SPC24: variants seen among roughly 807,000 people sequenced by gnomAD.
The protein encoded by SPC24 is SPC24 component of NDC80 kinetochore complex.
In SPC24, 31 loss-of-function variants were observed where a neutral mutation model predicts 27.6. The ratio of observed to expected loss-of-function variants is 1.12; its 90% CI spans 0.84 to 1.52. The LOEUF is 1.52. Ranked by LOEUF, SPC24 falls within the 40% of genes most tolerant of loss-of-function variation. The pLI is 0.00. For missense variants in SPC24, 284 were observed against 252.5 expected, an observed-to-expected ratio of 1.12 and a Z score of -0.84; for synonymous variants, 105 against 105.8, an observed-to-expected ratio of 0.99 and a Z score of 0.05.
rs868577725 is a variant in SPC24 at position 11,155,635 on chromosome 19, C to A, written c.142G>T (p.Ala48Ser). 6.5e-7 allele frequency: 1 copy of A among 1,548,776 alleles called. No homozygotes were observed. The highest frequency in any genetic ancestry group is 1.9e-5 in the Admixed American group (1 of 52,362). ...CCCTCACCTCGCAGCTGCTTCTCGG[C>A]ACCGTCTTGCGTTTCCAGCAGCCGC... ...VERLLETQDG[A>S]EKQLREILTM... is the part of the protein sequence containing the mutation. Residue 48 changes from alanine to serine, a missense_variant, in exon 1 of 5, where the codon GCC (alanine) becomes TCC (serine). Ala to Ser is a moderately conservative substitution (Grantham distance 99). Transcript: ENST00000592540.
intron 1 of SPC24, among the ~76,000 whole-genome samples, chr19:11,154,764 GGAGT>G (rs2077898586): frequency 1.3e-5 from 2 of 152,134 alleles, no homozygotes; most frequent in African/African-American, 4.8e-5. Flanking sequence ...AAGGGGATGG[GGAGT>G]GAGTGTTTCA....
intron 1 of SPC24, among the ~76,000 whole-genome samples, chr19:11,151,162 C>CAAAAA (rs397859905): frequency 4.5e-5 from 4 of 88,774 alleles, no homozygotes; most frequent in Non-Finnish European, 6.3e-5. Flanking sequence ...GACTCCGTCT[C>CAAAAA]AAAAAAAAAA....
chr19:11,153,760 GA>G (rs59338135), intron 1 of SPC24, among the ~76,000 whole-genome samples: 28 of 132,160 alleles, frequency 2.1e-4, no homozygotes, highest in East Asian at 9.2e-4. Flanking sequence ...ACTGTCCTGG[GA>G]AAAAAAAAAA....
Position 11,148,030 on chromosome 19 carries a change from G to A in SPC24, c.393C>T (p.Val131=). The part of the protein sequence containing the change: ...QEKEVDEDTT[V]TIPSAVYVAQ... ...GAACCTACACGGCCGAGGGGATTGT[G>A]ACTGTCGTGTCCTCGTCGACCTCCT... Residue 131 remains valine, a synonymous_variant, in exon 3 of 5, where the codon GTC becomes GTT. Transcript: ENST00000592540. The A allele has an allele frequency of 6.2e-7, 1 of 1,613,682 alleles. No homozygotes were observed. The highest frequency in any genetic ancestry group is 8.5e-7 in the Non-Finnish European group (1 of 1,179,790).
rs969533244 is a variant in SPC24, at chr19:11,145,729, C to G, written c.*1454G>C. On this transcript the variant is annotated 3_prime_UTR_variant, in exon 5 of 5. Transcript: ENST00000592540. ...GCTGCCAGGGCTCCAGCCATCACAC[C>G]CACATTCCAGGAAATAGGAAGGGGG... 1.3e-5 allele frequency: 2 copies of G among 152,200 alleles called. No homozygotes were observed. The highest frequency in any genetic ancestry group is 4.8e-5 in the African/African-American group (2 of 41,444). The allele number at this position is 152,200 out of a possible 1,614,324, so 9.4% of individuals were successfully genotyped here.
chr19:11,152,331 T>C (rs544261173), intron 1 of SPC24, among the ~76,000 whole-genome samples: 4 of 152,122 alleles, frequency 2.6e-5, no homozygotes, highest in Non-Finnish European at 5.9e-5. Context: ...TGTCTCAGCC[T>C]CCCGAGTAGC....
At chr19:11,152,460 T>A (rs1376022493) in intron 1 of SPC24, among the ~76,000 whole-genome samples, 3 of 152,166 alleles carry the variant, frequency 2.0e-5, no homozygotes, top group African/African-American at 7.2e-5. Flanking sequence ...TTCACCCACC[T>A]CGGCCTCCCA....
In SPC24 at chr19:11,148,018, C is replaced by T. The variant is rs773521411; in HGVS notation, c.405G>A (p.Ser135=). 2.6e-5 allele frequency: 42 copies of T among 1,613,596 alleles called. No individual in the cohort carries two copies. Among genetic ancestry groups the T allele is most frequent in the Middle Eastern group, 1.6e-4 (1 of 6,062 alleles). Residue 135 remains serine, a synonymous_variant, in exon 3 of 5, where the codon TCG becomes TCA. Transcript: ENST00000592540. ...VDEDTTVTIP[S]AVYVAQLYHQ... is the part of the protein sequence containing the mutation. ...CACGTTTTGGCAGAACCTACACGGCCGAGGGGATTGTGACTGTCGTGTCCT... is the reference window on the plus strand; with the variant it reads ...CACGTTTTGGCAGAACCTACACGGCTGAGGGGATTGTGACTGTCGTGTCCT...
At position 11,155,703 on chromosome 19, in the gene SPC24, G is replaced by A. The variant is rs1041378681; in HGVS notation, c.74C>T (p.Ala25Val). 6.4e-7 allele frequency: 1 copy of A among 1,571,298 alleles called. No homozygotes were observed. The highest frequency in any genetic ancestry group is 1.1e-5 in the South Asian group (1 of 87,180). The change falls in exon 1 of 5, where the codon GCG becomes GTG. Residue 25 changes from alanine to valine, a missense_variant. Transcript: ENST00000592540. ...GCGCCCCAGCAGCCGTCGCTGCTGC[G>A]CCTCCGCGCGGTTGGCGCCCAGCAG... ...LSLLGANRAE[A>V]QQRRLLGRHE... is the part of the protein sequence containing the mutation.
chr19:11,148,015 G>A lies in SPC24; in HGVS notation c.408C>T (p.Ala136=), dbSNP rs139671596. ...GCACACGTTTTGGCAGAACCTACAC[G>A]GCCGAGGGGATTGTGACTGTCGTGT... ...DEDTTVTIPS[A]VYVAQLYHQV... is the part of the protein sequence containing the mutation. The change falls in exon 3 of 5, where the codon GCC becomes GCT. Residue 136 remains alanine (A), a splice_region_variant and synonymous_variant. Coordinates refer to ENST00000592540, the MANE Select transcript of SPC24 (RefSeq NM_182513.4). 5.4e-5 allele frequency: 87 copies of A among 1,613,314 alleles called. No individual in the cohort carries two copies. The highest frequency in any genetic ancestry group is 3.0e-4 in the South Asian group (27 of 91,004).
rs747127191 is a variant in SPC24 at position 11,146,767 on chromosome 19, CA to C, written c.*415del. 3.0e-3 allele frequency: 268 copies of C among 87,872 alleles called. No homozygotes were observed. Among genetic ancestry groups the C allele is most frequent in the Non-Finnish European group, 3.6e-3 (149 of 41,064 alleles). The allele number at this position is 87,872 out of a possible 1,614,324, so 5.4% of individuals were successfully genotyped here. A position where few individuals can be genotyped will look rare whatever the true frequency, so the allele number is the denominator to read the frequency against. On this transcript the variant is annotated 3_prime_UTR_variant, in exon 5 of 5. Transcript: ENST00000592540. ...TGGGCGACAGAGTGAGACTCCGTCT[CA>C]AAAAAAAAAAAAAAAGGAAGACGTC...
At chr19:11,149,068 G>T (rs111370680) in intron 2 of SPC24, 26 bp downstream of exon 2, 1 of 1,475,564 alleles carries the variant, frequency 6.8e-7, no homozygotes, top group Non-Finnish European at 9.0e-7. Context: ...TTCTAGCAAG[G>T]CTGATCCCCT....
At chr19:11,148,333 G>A (rs994387400) in intron 2 of SPC24, among the ~76,000 whole-genome samples, 2 of 151,844 alleles carry the variant, frequency 1.3e-5, no homozygotes, top group African/African-American at 2.4e-5. Flanking sequence ...CCTGCCTACC[G>A]AGTAGCTGGG....
intron 1 of SPC24, among the ~76,000 whole-genome samples, chr19:11,151,403 G>A (rs931987935): frequency 6.6e-6 from 1 of 152,012 alleles, no homozygotes; most frequent in Non-Finnish European, 1.5e-5. Flanking sequence ...TTTCTTGATC[G>A]GTCTGGTTCG....
intron 2 of SPC24, 102 bp from the exon 3 acceptor site, chr19:11,148,219 C>G: frequency 1.4e-6 from 1 of 728,204 alleles, no homozygotes; most frequent in South Asian, 1.7e-5. Flanking sequence ...CGCACACTCT[C>G]TTCTTTGAGT....
At chr19:11,154,402 G>A (rs901015159) in intron 1 of SPC24, among the ~76,000 whole-genome samples, 1 of 152,108 alleles carries the variant, frequency 6.6e-6, no homozygotes, top group Non-Finnish European at 1.5e-5. Flanking sequence ...AGCTGGGCAT[G>A]GTGGCGCATA....
Position 11,146,482 on chromosome 19 carries a change from A to AAAAAAAAAAAAAAC in SPC24, c.*700_*701insGTTTTTTTTTTTTT, listed in dbSNP as rs2077824484. ...AAATCCAGTAAAAAAAAAAAAAAAA[A>AAAAAAAAAAAAAAC]AGGCCAGGCGCGGTGACTCACACCT... On this transcript the variant is annotated 3_prime_UTR_variant, in exon 5 of 5. Coordinates refer to ENST00000592540, the MANE Select transcript of SPC24 (RefSeq NM_182513.4). 6.8e-6 allele frequency: 1 copy of AAAAAAAAAAAAAAC among 147,334 alleles called. No individual in the cohort carries two copies. Among genetic ancestry groups the AAAAAAAAAAAAAAC allele is most frequent in the Admixed American group, 6.9e-5 (1 of 14,548 alleles). 9.1% of individuals were successfully genotyped at this position (147,334 alleles called of 1,614,324 possible). A position where few individuals can be genotyped will look rare whatever the true frequency, so the allele number is the denominator to read the frequency against.
In SPC24 at chr19:11,155,579, C is replaced by T. The variant is rs908502716; in HGVS notation, c.160+38G>A. On this transcript the variant is annotated intron_variant, in intron 1 of 4. Transcript: ENST00000592540. ...TCGCCCCCTCCCAGCACCCGGGCCC[C>T]TTCCCCCGTGGGCCCGCGACCACGC... The T allele has an allele frequency of 2.6e-6, 4 of 1,525,214 alleles. No homozygotes were observed. The African/African-American group carries it at 5.6e-5, about 21-fold the overall frequency. The allele number at this position is 1,525,214 out of a possible 1,614,324, so 94.5% of individuals were successfully genotyped here.
chr19:11,147,087 A>AAAG lies in SPC24; in HGVS notation c.*95_*96insCTT. 1.4e-6 allele frequency: 1 copy of AAAG among 732,606 alleles called. No homozygotes were observed. The highest frequency in any genetic ancestry group is 3.1e-5 in the East Asian group (1 of 31,988). The allele number at this position is 732,606 out of a possible 1,614,324, so 45.4% of individuals were successfully genotyped here. A position where few individuals can be genotyped will look rare whatever the true frequency, so the allele number is the denominator to read the frequency against. ...AAGAGTGAAACTCTGTCTCAAAAAAAAAAAAAAAAAGATCTATGTCCCCAC... is the reference window on the plus strand; with the variant it reads ...AAGAGTGAAACTCTGTCTCAAAAAAAAAGAAAAAAAAAAGATCTATGTCCCCAC... On this transcript the variant is annotated 3_prime_UTR_variant, in exon 5 of 5. Coordinates refer to ENST00000592540, the MANE Select transcript of SPC24 (RefSeq NM_182513.4).
Sources: gnomAD v4.1 joint callset for allele counts (sites outside exome capture counted in the v4.1 genomes callset) on GRCh38, gnomAD v4.1.1 for gene constraint, MANE v1.5 for transcripts, NCBI Gene and HGNC (gene_info 2026-07-23, HGNC 2026-07-21) for gene names.